The following CRTAC1 variants were observed in gnomAD, a reference collection of about 807,000 sequenced individuals.
CRTAC1 encodes the protein cartilage acidic protein 1.
Under a neutral mutation model 67.8 loss-of-function variants are expected in CRTAC1, and 37 were observed. That is an observed-to-expected ratio of 0.55 (90% CI 0.42 to 0.72). The LOEUF (loss-of-function observed/expected upper bound fraction) is 0.72, where lower values mean the gene tolerates loss of function less well. Ranked by LOEUF, CRTAC1 falls within the 30% of genes least tolerant of loss-of-function variation. CRTAC1 has a pLI of 0.00. For missense variants in CRTAC1, 780 were observed against 931.6 expected, an observed-to-expected ratio of 0.84 and a Z score of 2.12; for synonymous variants, 348 against 371.0, an observed-to-expected ratio of 0.94 and a Z score of 0.71.
rs1418711890 is a variant in CRTAC1 at position 97,879,692 on chromosome 10, A to G, written c.1819+557T>C. ...CCTTTATTGATGGGATTTAAAGTGC[A>G]TATAACTGAAGGCAAAGTCCAAGGC... On this transcript the variant is annotated intron_variant, in intron 14 of 14. Transcript: ENST00000370597. The G allele has an allele frequency of 7.1e-6, 11 of 1,549,146 alleles. No individual in the cohort carries two copies. In the South Asian group the frequency reaches 1.2e-4, roughly 17 times the overall value.
At chr10:97,912,738 C>T (rs1486556283) in intron 5 of CRTAC1, among the ~76,000 whole-genome samples, 1 of 152,208 alleles carries the variant, frequency 6.6e-6, no homozygotes, top group East Asian at 1.9e-4. Context: ...TGCTTCCTGC[C>T]TGGCCTCTGC....
intron 5 of CRTAC1, among the ~76,000 whole-genome samples, chr10:97,914,873 G>A (rs184757778): frequency 9.5e-4 from 145 of 152,222 alleles, no homozygotes; most frequent in African/African-American, 3.4e-3. Context: ...CCAATCTCTC[G>A]CTTGGCCACC....
At chr10:97,942,913 A>T (rs2136622266) in intron 2 of CRTAC1, among the ~76,000 whole-genome samples, 1 of 152,062 alleles carries the variant, frequency 6.6e-6, no homozygotes, top group South Asian at 2.1e-4. Context: ...AAAAAAATAA[A>T]ATAAAAAATT....
intron 2 of CRTAC1, among the ~76,000 whole-genome samples, chr10:97,944,338 A>G (rs2051228584): frequency 6.6e-6 from 1 of 152,174 alleles, no homozygotes; most frequent in Non-Finnish European, 1.5e-5. Context: ...AGGCTGAGGC[A>G]GAAGAATCGC....
At chr10:97,980,461 T>G (rs1322191855) in intron 2 of CRTAC1, among the ~76,000 whole-genome samples, 1 of 152,218 alleles carries the variant, frequency 6.6e-6, no homozygotes. Flanking sequence ...CTGCTAACTG[T>G]AGGGTGGCTT....
intron 2 of CRTAC1, among the ~76,000 whole-genome samples, chr10:97,958,289 T>C (rs1332541788): frequency 2.6e-5 from 4 of 152,162 alleles, no homozygotes; most frequent in Non-Finnish European, 5.9e-5. Context: ...GTGCATCACA[T>C]GCCAATTGGC....
chr10:97,964,269 T>C (rs2051577619), intron 2 of CRTAC1, among the ~76,000 whole-genome samples: 1 of 152,108 alleles, frequency 6.6e-6, no homozygotes, highest in African/African-American at 2.4e-5. Flanking sequence ...CAGAATCACA[T>C]GGTGGGGGGA....
intron 2 of CRTAC1, among the ~76,000 whole-genome samples, chr10:97,966,393 AG>A (rs1291527940): frequency 2.0e-5 from 3 of 152,244 alleles, no homozygotes; most frequent in Admixed American, 6.5e-5. Context: ...TAGAGGCATG[AG>A]CCACTGTGTC....
intron 8 of CRTAC1, 100 bp downstream of exon 8, chr10:97,901,403 C>T (rs1340253673): frequency 6.1e-6 from 9 of 1,481,396 alleles, no homozygotes; most frequent in Non-Finnish European, 8.3e-6. Flanking sequence ...ACCCCCTGGC[C>T]CTGGGAACCC....
At chr10:97,935,663 C>T (rs1304298939) in intron 3 of CRTAC1, among the ~76,000 whole-genome samples, 1 of 152,172 alleles carries the variant, frequency 6.6e-6, no homozygotes, top group Non-Finnish European at 1.5e-5. Context: ...AGTGTAGGTG[C>T]TTAGCAAGAA....
intron 2 of CRTAC1, among the ~76,000 whole-genome samples, chr10:97,985,307 G>T (rs1350101172): frequency 6.6e-6 from 1 of 152,066 alleles, no homozygotes; most frequent in Admixed American, 6.5e-5. Flanking sequence ...TTTTTCTCAC[G>T]TTGTAAATTA....
chr10:98,027,661 T>G (rs1165836323), intron 1 of CRTAC1, among the ~76,000 whole-genome samples: 1 of 152,082 alleles, frequency 6.6e-6, no homozygotes, highest in Admixed American at 6.6e-5. Context: ...AATTAGGAAT[T>G]TCTATGACCT....
chr10:98,010,238 C>T (rs1842879503), intron 2 of CRTAC1, among the ~76,000 whole-genome samples: 1 of 152,060 alleles, frequency 6.6e-6, no homozygotes, highest in African/African-American at 2.4e-5. Context: ...CGGGGTTTCA[C>T]CATGTTGGCC....
At chr10:97,882,346 C>T (rs892211102) in intron 13 of CRTAC1, among the ~76,000 whole-genome samples, 1 of 152,218 alleles carries the variant, frequency 6.6e-6, no homozygotes, top group Non-Finnish European at 1.5e-5. Context: ...CTGCACCAGG[C>T]TGCAGTCTCC....
In CRTAC1 at chr10:97,865,392, G is replaced by A. The variant is rs1391946484; in HGVS notation, c.*156C>T. 5.6e-6 allele frequency: 5 copies of A among 887,274 alleles called. No individual in the cohort carries two copies. In the East Asian group the frequency reaches 8.2e-5, roughly 15 times the overall value. The allele number at this position is 887,274 out of a possible 1,614,324, so 55.0% of individuals were successfully genotyped here. ...TGCCCAGCACAGGGCCTGGCCTTAC[G>A]AGTCTCCCTAATTGTTAGCTAAGTA... On this transcript the variant is annotated 3_prime_UTR_variant, in exon 15 of 15. Transcript: ENST00000370597.
In CRTAC1 at chr10:97,973,007, T is replaced by G. The variant is rs141154595; in HGVS notation, c.225-36641A>C. Among the ~76,000 whole-genome samples, 698 of 152,236 alleles carry G rather than the reference T, an allele frequency of 4.6e-3. 5 individuals carry two copies. Among genetic ancestry groups the G allele is most frequent in the African/African-American group, 0.016 (663 of 41,518 alleles). On this transcript the variant is annotated intron_variant, in intron 2 of 14. Coordinates refer to ENST00000370597, the MANE Select transcript of CRTAC1 (RefSeq NM_018058.7). ...GCATTTGCAGAGGCACAGAAAGTAG[T>G]GAAGTGCTCCCAAACAATGGTGTCT...
At chr10:98,000,625 AGCCCATCAG>A (rs1275446611) in intron 2 of CRTAC1, among the ~76,000 whole-genome samples, 1 of 152,222 alleles carries the variant, frequency 6.6e-6, no homozygotes, top group Non-Finnish European at 1.5e-5. Context: ...GGGCGGAGCG[AGCCCATCAG>A]GCCCAAGCAA....
rs552212249 is a variant in CRTAC1, at chr10:98,000,050, C to G, written c.224+11088G>C. 5.6e-4 allele frequency among the ~76,000 whole-genome samples: 86 copies of G among 152,314 alleles called. 1 individual carries two copies. Among genetic ancestry groups the G allele is most frequent in the African/African-American group, 2.0e-3 (85 of 41,576 alleles). On this transcript the variant is annotated intron_variant, in intron 2 of 14. Transcript: ENST00000370597. Reference sequence around the variant, plus strand: ...ACACCCTGGCTGCAGAAAGGAGCTGCCCTATGGGAGACTGAGCTGTTCTAT... The same window carrying G: ...ACACCCTGGCTGCAGAAAGGAGCTGGCCTATGGGAGACTGAGCTGTTCTAT...
At chr10:97,921,418 T>C (rs2050834406) in intron 4 of CRTAC1, among the ~76,000 whole-genome samples, 1 of 152,186 alleles carries the variant, frequency 6.6e-6, no homozygotes, top group African/African-American at 2.4e-5. Flanking sequence ...CAGGCAAGGT[T>C]CAATTCCTGG....
Sources: allele counts gnomAD v4.1 joint callset (sites outside exome capture counted in the v4.1 genomes callset), GRCh38; gene constraint gnomAD v4.1.1; transcripts MANE v1.5; gene names NCBI Gene and HGNC (gene_info 2026-07-23, HGNC 2026-07-21).